Variants in SEC14L1 observed in about 807,000 individuals in gnomAD.
SEC14L1 encodes the protein SEC14-like protein 1.
In SEC14L1, 48 loss-of-function variants were observed where a neutral mutation model predicts 85.3. The ratio of observed to expected loss-of-function variants is 0.56; its 90% CI spans 0.45 to 0.72. SEC14L1 has a LOEUF of 0.72. SEC14L1 is among the 30% of genes least tolerant of loss of function. The probability of loss-of-function intolerance (pLI) is 0.00; values close to 1 mark genes in which losing one functional copy is unlikely to be tolerated. For missense variants in SEC14L1, 682 were observed against 921.4 expected, an observed-to-expected ratio of 0.74 and a Z score of 3.36; for synonymous variants, 391 against 355.5, an observed-to-expected ratio of 1.10 and a Z score of -1.12.
intron 3 of SEC14L1, among the ~76,000 whole-genome samples, chr17:77,151,920 G>A (rs1973577701): frequency 6.6e-6 from 1 of 152,220 alleles, no homozygotes; most frequent in East Asian, 1.9e-4. Flanking sequence ...CAGATTTCAG[G>A]TATCTTGTTA....
Position 77,213,281 on chromosome 17 carries a change from C to T in SEC14L1, c.1864-33C>T, listed in dbSNP as rs368644162. Reference sequence around the variant, plus strand: ...GGTAGGCCAGGGGTCGGAAGCGAGTCGCCCTCAGCTGCCACTGCCCTACTT... The same window carrying T: ...GGTAGGCCAGGGGTCGGAAGCGAGTTGCCCTCAGCTGCCACTGCCCTACTT... On this transcript the variant is annotated intron_variant, in intron 15 of 16. Coordinates refer to ENST00000436233, the MANE Select transcript of SEC14L1 (RefSeq NM_001143998.2). The surrounding 1 kb of genome is among the most constrained non-coding windows in gnomAD (Gnocchi z 7.1). 2.5e-5 allele frequency: 39 copies of T among 1,566,576 alleles called. No homozygotes were observed. The highest frequency in any genetic ancestry group is 3.4e-4 in the Middle Eastern group (2 of 5,836).
At position 77,200,552 on chromosome 17, in the gene SEC14L1, G is replaced by C; in HGVS notation, c.888G>C (p.Glu296Asp). 1 of 1,614,056 alleles carries C rather than the reference G, an allele frequency of 6.2e-7. No individual in the cohort carries two copies. Residue 296 changes from glutamate to aspartate, a missense_variant, in exon 9 of 17, where the codon GAG becomes GAC. This residue lies in a region of SEC14L1 where 420 missense variants were observed against 619.5 expected (regional missense o/e 0.68). Coordinates refer to ENST00000436233, the MANE Select transcript of SEC14L1 (RefSeq NM_001143998.2). The part of the protein sequence containing the change: ...ARDFNIDKAR[E>D]IMCQSLTWRK... ...ATTTTAATATTGACAAAGCCAGAGA[G>C]ATCATGTGTCAGTCTTTGACGTGGA...
At chr17:77,205,428 C>A in intron 11 of SEC14L1, 82 bp downstream of exon 11, 1 of 1,262,916 alleles carries the variant, frequency 7.9e-7, no homozygotes, top group Non-Finnish European at 1.1e-6. Flanking sequence ...GAATTAAAAT[C>A]TACTTATTAT....
rs1206061901 is a variant in SEC14L1 at position 77,213,447 on chromosome 17, G to A, written c.1997G>A (p.Cys666Tyr). 6.2e-7 allele frequency: 1 copy of A among 1,612,480 alleles called. No individual in the cohort carries two copies. Among genetic ancestry groups the A allele is most frequent in the Non-Finnish European group, 8.5e-7 (1 of 1,180,032 alleles). ...LASLQVSSHK[C>Y]KVMYYTEVIG... ...TCCCTGCAGGTCTCTTCGCACAAGT[G>A]TAAAGTGATGTACTACACCGAGGTG... is the stretch of plus-strand genomic sequence containing the variant. The change falls in exon 16 of 17, where the codon TGT becomes TAT. Residue 666 changes from cysteine to tyrosine, a missense_variant. Cys to Tyr is a radical substitution (Grantham distance 194). Transcript: ENST00000436233. This position sits in a 1 kb window ranked among gnomAD's most constrained non-coding sequence, Gnocchi z 7.1.
At chr17:77,166,469 A>G (rs78624223) in intron 3 of SEC14L1, among the ~76,000 whole-genome samples, 1,832 of 152,292 alleles carry the variant, frequency 0.012, 22 homozygotes, top group South Asian at 0.046. Context: ...ACCTGGGTTC[A>G]TATCCTGGGT....
At chr17:77,117,766 C>T (rs1343360463) in intron 3 of SEC14L1, among the ~76,000 whole-genome samples, 3 of 152,170 alleles carry the variant, frequency 2.0e-5, no homozygotes, top group African/African-American at 7.2e-5. Context: ...TTTGAGACTC[C>T]CTGAATATTA....
At chr17:77,200,751 C>G in intron 9 of SEC14L1, 78 bp downstream of exon 9, 1 of 1,461,012 alleles carries the variant, frequency 6.8e-7, no homozygotes, top group Non-Finnish European at 9.3e-7. Flanking sequence ...GCCTCCTTCC[C>G]TGGAGTTGAG....
At chr17:77,199,994 C>T (rs1275290701) in intron 8 of SEC14L1, among the ~76,000 whole-genome samples, 1 of 152,108 alleles carries the variant, frequency 6.6e-6, no homozygotes, top group East Asian at 1.9e-4. Flanking sequence ...CATGGGGAAA[C>T]CACATCTCTA....
rs765182013 is a variant in SEC14L1 at position 77,143,551 on chromosome 17, T to C, written c.-30-16T>C. ...CTGCATTGTGGTTACTTATCACATA[T>C]ATTTATGTTTTGCAGGTGTGAGAGG... On this transcript the variant is annotated splice_polypyrimidine_tract_variant and intron_variant, in intron 2 of 16. Coordinates refer to ENST00000436233, the MANE Select transcript of SEC14L1 (RefSeq NM_001143998.2). 1 of 1,492,412 alleles carries C rather than the reference T, an allele frequency of 6.7e-7. No homozygotes were observed. The highest frequency in any genetic ancestry group is 1.1e-5 in the South Asian group (1 of 87,542). The allele number at this position is 1,492,412 out of a possible 1,614,324, so 92.4% of individuals were successfully genotyped here.
At chr17:77,112,729 C>CA (rs999534062) in intron 3 of SEC14L1, among the ~76,000 whole-genome samples, 3 of 151,474 alleles carry the variant, frequency 2.0e-5, no homozygotes, top group Non-Finnish European at 2.9e-5. Context: ...ACTAAAAATA[C>CA]AAAAAAATAT....
rs1406645241 is a variant in SEC14L1, at chr17:77,215,435, C to T, written c.*1412C>T. The T allele has an allele frequency of 2.8e-5, 28 of 985,392 alleles. No individual in the cohort carries two copies. Among genetic ancestry groups the T allele is most frequent in the Non-Finnish European group, 3.4e-5 (28 of 830,018 alleles). 61.0% of individuals were successfully genotyped at this position (985,392 alleles called of 1,614,324 possible). On this transcript the variant is annotated 3_prime_UTR_variant, in exon 17 of 17. Transcript: ENST00000436233. ...CTGTGTGCGTGGTAGGCATGGAGAT[C>T]CTGGTTGTGCCGTCTCAGCTCCGCT... is the stretch of plus-strand genomic sequence containing the variant.
At chr17:77,092,627 T>C (rs1971544002) in intron 2 of SEC14L1, among the ~76,000 whole-genome samples, 1 of 151,884 alleles carries the variant, frequency 6.6e-6, no homozygotes, top group Admixed American at 6.6e-5. Flanking sequence ...AAGGGCAACG[T>C]GGTGGTCTAC....
intron 3 of SEC14L1, among the ~76,000 whole-genome samples, chr17:77,105,471 A>G (rs749109932): frequency 4.1e-5 from 6 of 147,990 alleles, no homozygotes; most frequent in African/African-American, 1.5e-4. Flanking sequence ...TGTGCTTACC[A>G]CCCTCTTTCC....
chr17:77,167,945 G>C (rs1447809114), intron 3 of SEC14L1, among the ~76,000 whole-genome samples: 1 of 152,316 alleles, frequency 6.6e-6, no homozygotes, highest in African/African-American at 2.4e-5. Context: ...AGAGTACACC[G>C]AGCAAAGGAG....
Position 77,213,175 on chromosome 17 carries a change from CA to C in SEC14L1, c.1864-138del. 1.4e-6 allele frequency: 1 copy of C among 715,984 alleles called. No individual in the cohort carries two copies. Among genetic ancestry groups the C allele is most frequent in the South Asian group, 1.9e-5 (1 of 52,440 alleles). 44.4% of individuals were successfully genotyped at this position (715,984 alleles called of 1,614,324 possible). ...CAAACCTGCTGCTGAAGCAAAATAG[CA>C]GGTTCTGAATCCCATTGAGATAGTT... On this transcript the variant is annotated intron_variant, in intron 15 of 16. Transcript: ENST00000436233. This position sits in a 1 kb window ranked among gnomAD's most constrained non-coding sequence, Gnocchi z 7.1.
intron 3 of SEC14L1, among the ~76,000 whole-genome samples, chr17:77,119,256 C>T (rs552437134): frequency 4.0e-5 from 6 of 149,802 alleles, no homozygotes; most frequent in Non-Finnish European, 7.4e-5. Context: ...TGCAGTGAGC[C>T]GAGATTGCGC....
chr17:77,163,368 A>C (rs146102374), intron 3 of SEC14L1, among the ~76,000 whole-genome samples: 101 of 14,806 alleles, frequency 6.8e-3, no homozygotes, highest in Non-Finnish European at 0.011. Context: ...TGCTGAAATG[A>C]ATTACTGTGA....
At chr17:77,145,749 C>T (rs969897131) in intron 3 of SEC14L1, among the ~76,000 whole-genome samples, 4 of 152,154 alleles carry the variant, frequency 2.6e-5, no homozygotes, top group African/African-American at 7.2e-5. Flanking sequence ...ATGGGCTGAG[C>T]TCCAGAGCCT....
In SEC14L1 at chr17:77,216,772, T is replaced by C; in HGVS notation, c.*2749T>C. 1 of 838,726 alleles carries C rather than the reference T, an allele frequency of 1.2e-6. No individual in the cohort carries two copies. Among genetic ancestry groups the C allele is most frequent in the Non-Finnish European group, 1.8e-6 (1 of 552,476 alleles). 52.0% of individuals were successfully genotyped at this position (838,726 alleles called of 1,614,324 possible). ...CATGACCGCACAAATGCTTACAGGG[T>C]TTCCTCCCGAGTAATCCAATCTCAC... On this transcript the variant is annotated 3_prime_UTR_variant, in exon 17 of 17. Coordinates refer to ENST00000436233, the MANE Select transcript of SEC14L1 (RefSeq NM_001143998.2).
Sources: gnomAD v4.1 joint callset for allele counts (sites outside exome capture counted in the v4.1 genomes callset) on GRCh38, gnomAD v4.1.1 for gene constraint, gnomAD v4.1.1 regional missense constraint, Gnocchi (gnomAD v3.1) non-coding constraint, MANE v1.5 for transcripts, NCBI Gene and HGNC (gene_info 2026-07-23, HGNC 2026-07-21) for gene names.